KIF16B: variants seen among roughly 807,000 people sequenced by gnomAD.
KIF16B encodes the protein kinesin-like protein KIF16B.
A neutral mutation model predicts 156.3 loss-of-function variants in KIF16B; 98 were observed. The observed-to-expected ratio is 0.63, with a 90% CI of 0.53 to 0.74. The LOEUF is 0.74. Ranked by LOEUF, KIF16B falls within the 30% of genes least tolerant of loss-of-function variation. The probability of loss-of-function intolerance (pLI) is 0.00; values close to 1 mark genes in which losing one functional copy is unlikely to be tolerated. For synonymous variants in KIF16B, 564 were observed against 583.7 expected, an observed-to-expected ratio of 0.97 and a Z score of 0.49; for missense variants, 1,421 against 1,606.5, an observed-to-expected ratio of 0.88 and a Z score of 1.97.
intron 24 of KIF16B, among the ~76,000 whole-genome samples, chr20:16,327,055 A>G (rs1344356250): frequency 7.8e-6 from 1 of 128,260 alleles, no homozygotes; most frequent in African/African-American, 3.1e-5. Context: ...ATATGTATGT[A>G]TATGTATACA....
intron 10 of KIF16B, among the ~76,000 whole-genome samples, chr20:16,498,323 G>A (rs1280778440): frequency 6.6e-6 from 1 of 152,124 alleles, no homozygotes; most frequent in Admixed American, 6.5e-5. Context: ...GACCTGAGTG[G>A]CAGGGACACT....
Position 16,455,801 on chromosome 20 carries a change from C to T in KIF16B, c.1303-25819G>A, listed in dbSNP as rs77937567. On this transcript the variant is annotated intron_variant, in intron 12 of 25. Coordinates refer to ENST00000354981, the MANE Select transcript of KIF16B (RefSeq NM_024704.5). Reference sequence around the variant, plus strand: ...TGTATTTATTTGGGGTGGAACAAACCACTGACCCTAAATGTACCAGCCAAT... The same window carrying T: ...TGTATTTATTTGGGGTGGAACAAACTACTGACCCTAAATGTACCAGCCAAT... 7.2e-3 allele frequency among the ~76,000 whole-genome samples: 1,095 copies of T among 152,238 alleles called. 19 individuals carry two copies. Among genetic ancestry groups the T allele is most frequent in the African/African-American group, 0.025 (1,052 of 41,546 alleles).
In KIF16B at chr20:16,385,415, G is replaced by C. The variant is rs561671271; in HGVS notation, c.1785-3668C>G. On this transcript the variant is annotated intron_variant, in intron 17 of 25. Coordinates refer to ENST00000354981, the MANE Select transcript of KIF16B (RefSeq NM_024704.5). ...TCGGGTTTCTGTCCAAGTCCTATAG[G>C]GGGGCAGGAAGGCAGAACATAACTA... Among the ~76,000 whole-genome samples, 285 of 152,206 alleles carry C rather than the reference G, an allele frequency of 1.9e-3. 1 individual carries two copies. The highest frequency in any genetic ancestry group is 3.4e-3 in the Non-Finnish European group (230 of 67,986).
chr20:16,567,843 TC>T (rs1358023007), intron 1 of KIF16B, among the ~76,000 whole-genome samples: 1 of 152,062 alleles, frequency 6.6e-6, no homozygotes, highest in Non-Finnish European at 1.5e-5. Flanking sequence ...TCCCAGCTAC[TC>T]GGGAGGCTGA....
At chr20:16,550,701 T>C (rs879299842) in intron 1 of KIF16B, among the ~76,000 whole-genome samples, 15 of 151,766 alleles carry the variant, frequency 9.9e-5, no homozygotes, top group Non-Finnish European at 2.1e-4. Flanking sequence ...GTCCAGCTAA[T>C]TTTTTCTATT....
At chr20:16,402,831 A>G (rs2065688858) in intron 17 of KIF16B, among the ~76,000 whole-genome samples, 1 of 152,234 alleles carries the variant, frequency 6.6e-6, no homozygotes, top group African/African-American at 2.4e-5. Flanking sequence ...CTGAGGATGA[A>G]AACTAGTAAC....
chr20:16,317,907 G>A (rs751070842), intron 24 of KIF16B, among the ~76,000 whole-genome samples: 17 of 152,198 alleles, frequency 1.1e-4, no homozygotes, highest in Non-Finnish European at 2.1e-4. Context: ...GGAAGTCCCT[G>A]TCTCCAGAGA....
chr20:16,293,203 T>C (rs1192976451), intron 25 of KIF16B, among the ~76,000 whole-genome samples: 1 of 152,018 alleles, frequency 6.6e-6, no homozygotes, highest in African/African-American at 2.4e-5. Flanking sequence ...AACCCATGGG[T>C]CAGAAGAATC....
intron 17 of KIF16B, among the ~76,000 whole-genome samples, chr20:16,397,926 A>C (rs947965650): frequency 3.3e-5 from 5 of 152,244 alleles, no homozygotes; most frequent in Admixed American, 2.6e-4. Context: ...CTACAGCTCA[A>C]TGAATATTTG....
At chr20:16,489,672 G>T (rs1248885642) in intron 12 of KIF16B, among the ~76,000 whole-genome samples, 3 of 151,262 alleles carry the variant, frequency 2.0e-5, no homozygotes, top group Non-Finnish European at 4.4e-5. Flanking sequence ...ACTCCAGCCT[G>T]GGTGACAGAG....
chr20:16,321,635 T>G (rs1258104459), intron 24 of KIF16B, among the ~76,000 whole-genome samples: 2 of 152,122 alleles, frequency 1.3e-5, no homozygotes, highest in Admixed American at 1.3e-4. Flanking sequence ...TATACTGCTT[T>G]TGAGGAAGGT....
chr20:16,511,389 G>T (rs1179126802), intron 6 of KIF16B, 29 bp downstream of exon 6: 2 of 1,195,368 alleles, frequency 1.7e-6, no homozygotes, highest in Non-Finnish European at 2.4e-6. Context: ...ATCACAAAAA[G>T]AATATGGCTG....
chr20:16,361,458 T>A (rs2064551073), intron 22 of KIF16B, among the ~76,000 whole-genome samples: 1 of 152,178 alleles, frequency 6.6e-6, no homozygotes, highest in African/African-American at 2.4e-5. Context: ...TATGAGGGGA[T>A]CTTGTCTTAA....
chr20:16,327,751 C>T (rs1314176019), intron 24 of KIF16B, among the ~76,000 whole-genome samples: 3 of 152,090 alleles, frequency 2.0e-5, no homozygotes, highest in African/African-American at 7.2e-5. Context: ...AGTGAACTAC[C>T]TGGGCCTCTG....
At chr20:16,400,508 G>A (rs2065624482) in intron 17 of KIF16B, among the ~76,000 whole-genome samples, 1 of 152,108 alleles carries the variant, frequency 6.6e-6, no homozygotes, top group African/African-American at 2.4e-5. Context: ...CTACTTCTGG[G>A]TACATACTCA....
chr20:16,475,674 C>T (rs1231436424), intron 12 of KIF16B, among the ~76,000 whole-genome samples: 2 of 151,984 alleles, frequency 1.3e-5, no homozygotes, highest in African/African-American at 4.8e-5. Flanking sequence ...TAAGAACTTC[C>T]ACAGTTGAAG....
At chr20:16,479,517 TA>T (rs56772585) in intron 12 of KIF16B, among the ~76,000 whole-genome samples, 2 of 151,372 alleles carry the variant, frequency 1.3e-5, no homozygotes, top group South Asian at 2.1e-4. Context: ...CTCAGAACTT[TA>T]AAAAAAAATT....
At chr20:16,351,019 C>G (rs138072679) in intron 23 of KIF16B, among the ~76,000 whole-genome samples, 1 of 151,956 alleles carries the variant, frequency 6.6e-6, no homozygotes, top group East Asian at 1.9e-4. Flanking sequence ...TGAGCTGTGA[C>G]CTTGGTTGTG....
intron 1 of KIF16B, among the ~76,000 whole-genome samples, chr20:16,536,192 G>A (rs1242883266): frequency 3.3e-5 from 5 of 152,130 alleles, no homozygotes; most frequent in Non-Finnish European, 7.4e-5. Context: ...TTGCAGCAAC[G>A]TGGACAGAAC....
Sources: gnomAD v4.1 joint callset for allele counts (sites outside exome capture counted in the v4.1 genomes callset) on GRCh38, gnomAD v4.1.1 for gene constraint, MANE v1.5 for transcripts, NCBI Gene and HGNC (gene_info 2026-07-23, HGNC 2026-07-21) for gene names.